The following GSG1L variants were observed in gnomAD, a reference collection of about 807,000 sequenced individuals.
GSG1L encodes the protein GSG1 like.
In GSG1L, 24 loss-of-function variants were observed where a neutral mutation model predicts 42.1. That is an observed-to-expected ratio of 0.57 (90% CI 0.41 to 0.80). GSG1L has a LOEUF of 0.80. GSG1L is among the 30% of genes least tolerant of loss of function. GSG1L has a pLI of 0.00. For synonymous variants in GSG1L, 215 were observed against 203.5 expected (o/e 1.06, Z -0.48); for missense variants, 445 against 472.2 (o/e 0.94, Z 0.53).
At chr16:27,949,526 G>A (rs1325105844) in intron 2 of GSG1L, among the ~76,000 whole-genome samples, 3 of 151,522 alleles carry the variant, frequency 2.0e-5, no homozygotes, top group Admixed American at 1.3e-4. Flanking sequence ...AGGCTGAGGC[G>A]GGAGGATTGC....
chr16:27,830,515 C>A (rs1355729406), intron 4 of GSG1L, among the ~76,000 whole-genome samples: 6 of 152,176 alleles, frequency 3.9e-5, no homozygotes, highest in African/African-American at 1.4e-4. Context: ...TCCCTTAACA[C>A]AAAACCCATT....
Position 27,984,992 on chromosome 16 carries a change from A to G in GSG1L, c.350-21789T>C, listed in dbSNP as rs1181185183. ...AGGCTGGTCTCGAGCTCCTGGCCTC[A>G]AGCAGTCTTCCCGCCCCAGCCTCCC... On this transcript the variant is annotated intron_variant, in intron 1 of 6. Transcript: ENST00000447459. 2.6e-5 allele frequency among the ~76,000 whole-genome samples: 4 copies of G among 152,228 alleles called. No homozygotes were observed. The East Asian group carries it at 7.7e-4, about 29-fold the overall frequency.
At chr16:27,996,602 A>G (rs1028352762) in intron 1 of GSG1L, among the ~76,000 whole-genome samples, 7 of 152,240 alleles carry the variant, frequency 4.6e-5, no homozygotes, top group African/African-American at 1.7e-4. Flanking sequence ...TTTGAGACCC[A>G]CTGCTCATCC....
chr16:27,983,497 A>C (rs1433515961), intron 1 of GSG1L, among the ~76,000 whole-genome samples: 1 of 152,244 alleles, frequency 6.6e-6, no homozygotes, highest in Non-Finnish European at 1.5e-5. Flanking sequence ...GGTGCAGGAC[A>C]AGGACTCAGT....
At position 27,791,452 on chromosome 16, in the gene GSG1L, A is replaced by T; in HGVS notation, c.914T>A (p.Met305Lys). The T allele has an allele frequency of 6.7e-7, 1 of 1,502,500 alleles. No individual in the cohort carries two copies. The highest frequency in any genetic ancestry group is 1.3e-5 in the South Asian group (1 of 75,182). The allele number at this position is 1,502,500 out of a possible 1,614,324, so 93.1% of individuals were successfully genotyped here. ...GGAGCTCCGGGGCCAGGAATCCGCC[A>T]TGTGTGGCTGGTGTCCTGCCAGGAG... ...ERYPARHQPH[M>K]ADSWPRSSAQ... is the part of the protein sequence containing the mutation. Residue 305 changes from methionine to lysine, a missense_variant, in exon 7 of 7, where the codon ATG (methionine) becomes AAG (lysine). Coordinates refer to ENST00000447459, the MANE Select transcript of GSG1L (RefSeq NM_001109763.2).
intron 1 of GSG1L, among the ~76,000 whole-genome samples, chr16:27,993,171 CAG>C (rs755975406): frequency 1.6e-4 from 25 of 152,108 alleles, no homozygotes; most frequent in Admixed American, 2.6e-4. Context: ...GTTGTTGAGA[CAG>C]AGTCTTGCTC....
At chr16:28,054,326 C>A (rs1475108271) in intron 1 of GSG1L, among the ~76,000 whole-genome samples, 1 of 152,192 alleles carries the variant, frequency 6.6e-6, no homozygotes, top group Non-Finnish European at 1.5e-5. Context: ...GGACCCTGCC[C>A]CCTCCAGGCA....
chr16:27,851,793 C>T (rs1300810105), intron 3 of GSG1L, among the ~76,000 whole-genome samples: 2 of 152,184 alleles, frequency 1.3e-5, no homozygotes. Flanking sequence ...CCTCTTGAGT[C>T]CAGAGGACAC....
At chr16:27,823,372 G>A (rs553436953) in intron 5 of GSG1L, among the ~76,000 whole-genome samples, 3 of 152,116 alleles carry the variant, frequency 2.0e-5, no homozygotes, top group Non-Finnish European at 2.9e-5. Flanking sequence ...GCCTTTCTTC[G>A]ACAGCGCTGA....
intron 4 of GSG1L, among the ~76,000 whole-genome samples, chr16:27,835,904 CA>C (rs2083316367): frequency 6.6e-6 from 1 of 152,116 alleles, no homozygotes; most frequent in African/African-American, 2.4e-5. Flanking sequence ...TTAGAAAACT[CA>C]AAAGGAGAAG....
rs547156635 is a variant in GSG1L, at chr16:27,891,730, C to T, written c.398-7092G>A. Among the ~76,000 whole-genome samples, 4 of 151,998 alleles carry T rather than the reference C, an allele frequency of 2.6e-5. No individual in the cohort carries two copies. In the South Asian group the frequency reaches 8.3e-4, roughly 32 times the overall value. ...TCAAGCGATCCTCCTGCCTCAGCCTCCCAAAGCACTGGAATTACAAGCGTG... is the reference window on the plus strand; with the variant it reads ...TCAAGCGATCCTCCTGCCTCAGCCTTCCAAAGCACTGGAATTACAAGCGTG... On this transcript the variant is annotated intron_variant, in intron 2 of 6. Transcript: ENST00000447459.
chr16:27,918,355 T>C (rs2084483009), intron 2 of GSG1L, among the ~76,000 whole-genome samples: 3 of 152,076 alleles, frequency 2.0e-5, no homozygotes, highest in African/African-American at 7.2e-5. Context: ...ACAGATTGTT[T>C]TCCTATTAAG....
chr16:27,916,267 A>G (rs180970677), intron 2 of GSG1L, among the ~76,000 whole-genome samples: 34 of 151,716 alleles, frequency 2.2e-4, no homozygotes, highest in African/African-American at 8.2e-4. Context: ...TGTCTAATTT[A>G]TCTTCCTCTG....
intron 6 of GSG1L, among the ~76,000 whole-genome samples, chr16:27,793,009 C>A (rs2082772605): frequency 6.6e-6 from 1 of 152,208 alleles, no homozygotes; most frequent in African/African-American, 2.4e-5. Flanking sequence ...AAAATGTGAT[C>A]CGTATAATTT....
intron 1 of GSG1L, among the ~76,000 whole-genome samples, chr16:28,026,036 C>T (rs1596711159): frequency 6.6e-6 from 1 of 152,212 alleles, no homozygotes; most frequent in East Asian, 1.9e-4. Context: ...AGAAATTCGT[C>T]TGATCAACAC....
At chr16:28,038,893 G>A (rs946983197) in intron 1 of GSG1L, among the ~76,000 whole-genome samples, 3 of 152,004 alleles carry the variant, frequency 2.0e-5, no homozygotes, top group African/African-American at 4.8e-5. Flanking sequence ...TTGAGTTATC[G>A]AGATTATCTC....
chr16:28,013,739 C>T (rs544023820), intron 1 of GSG1L, among the ~76,000 whole-genome samples: 1 of 152,360 alleles, frequency 6.6e-6, no homozygotes, highest in East Asian at 1.9e-4. Context: ...TGTATAATAG[C>T]AAACACTAGC....
intron 2 of GSG1L, among the ~76,000 whole-genome samples, chr16:27,961,666 G>C (rs1455191731): frequency 6.6e-6 from 1 of 152,256 alleles, no homozygotes; most frequent in East Asian, 1.9e-4. Flanking sequence ...CAGCCATGCA[G>C]TGGTCATATT....
chr16:27,830,160 G>A (rs1452139909), intron 4 of GSG1L, among the ~76,000 whole-genome samples: 1 of 152,182 alleles, frequency 6.6e-6, no homozygotes, highest in East Asian at 1.9e-4. Context: ...TCAACGTTTA[G>A]TACCAGGAGT....
Sources: gnomAD v4.1 joint callset for allele counts (sites outside exome capture counted in the v4.1 genomes callset) on GRCh38, gnomAD v4.1.1 for gene constraint, MANE v1.5 for transcripts, NCBI Gene and HGNC (gene_info 2026-07-23, HGNC 2026-07-21) for gene names.